POU2AF3: variants seen among roughly 807,000 people sequenced by gnomAD.
The protein encoded by POU2AF3 is cancer susceptibility candidate 13.
the POU2AF3 span, chr11:111,306,495 G>T: frequency 6.5e-7 from 1 of 1,535,150 alleles, no homozygotes. Context: ...AAGCTGCCTC[G>T]ACCAGATCTT....
the POU2AF3 span, chr11:111,299,084 G>C: frequency 9.8e-5 from 96 of 980,276 alleles, no homozygotes; most frequent in Non-Finnish European, 1.0e-4. Context: ...GAGAGGGCGC[G>C]GCGCCTGGGC....
the POU2AF3 span, chr11:111,305,083 T>G: frequency 9.4e-6 from 6 of 636,254 alleles, no homozygotes; most frequent in African/African-American, 1.9e-5. Flanking sequence ...GGCACCACCA[T>G]TTAATTGGAA....
chr11:111,308,674 C>G, the POU2AF3 span: 1 of 352,218 alleles, frequency 2.8e-6, no homozygotes, highest in Admixed American at 4.6e-5. Flanking sequence ...AATTGTTTTA[C>G]TTTTTGTATA....
the POU2AF3 span, chr11:111,304,773 A>G: frequency 2.5e-6 from 1 of 406,258 alleles, no homozygotes; most frequent in Non-Finnish European, 4.3e-6. Flanking sequence ...AATTTGTCAA[A>G]CATTGAAAAA....
the POU2AF3 span, among the ~76,000 whole-genome samples, chr11:111,306,197 T>G: frequency 2.0e-5 from 3 of 152,210 alleles, no homozygotes; most frequent in Non-Finnish European, 4.4e-5. Context: ...TTCCACATTA[T>G]TAACCATGTT....
At chr11:111,301,377 A>G in the POU2AF3 span, among the ~76,000 whole-genome samples, 5 of 152,222 alleles carry the variant, frequency 3.3e-5, no homozygotes, top group Non-Finnish European at 1.5e-5. Context: ...CCTCAATCAT[A>G]CAATTGCTTG....
the POU2AF3 span, chr11:111,306,537 G>A: frequency 6.4e-7 from 1 of 1,551,444 alleles, no homozygotes; most frequent in Non-Finnish European, 8.7e-7. Flanking sequence ...GATGCACCCG[G>A]AGCCTTTGCT....
the POU2AF3 span, chr11:111,299,857 G>C: frequency 1.6e-6 from 1 of 636,362 alleles, no homozygotes; most frequent in Non-Finnish European, 2.3e-6. Context: ...AGGGAGCGAG[G>C]GAGGGAGTTC....
At chr11:111,306,728 C>T in the POU2AF3 span, 1 of 838,134 alleles carries the variant, frequency 1.2e-6, no homozygotes, top group Middle Eastern at 2.4e-4. Context: ...AAACTATCAG[C>T]AAGGAAATCA....
chr11:111,306,306 A>G, the POU2AF3 span: 26 of 671,562 alleles, frequency 3.9e-5, no homozygotes, highest in South Asian at 7.4e-4. Context: ...CCCCCTAGAC[A>G]TAGTAAATAT....
At chr11:111,306,075 T>C in the POU2AF3 span, among the ~76,000 whole-genome samples, 246 of 152,322 alleles carry the variant, frequency 1.6e-3, 1 homozygote, top group Middle Eastern at 3.4e-3. Flanking sequence ...TGGATGTCCA[T>C]GGTTTTACAG....
the POU2AF3 span, chr11:111,300,018 G>A: frequency 2.5e-6 from 1 of 397,554 alleles, no homozygotes; most frequent in Admixed American, 4.4e-5. Context: ...ACCTGGCCAG[G>A]CGGAGAAGGA....
chr11:111,308,384 G>C, the POU2AF3 span: 1 of 1,551,508 alleles, frequency 6.4e-7, no homozygotes. Flanking sequence ...CTCAGCAGCC[G>C]CCACCAGTGA....
At chr11:111,298,828 C>CGGGGGCCG in the POU2AF3 span, 1 of 411,066 alleles carries the variant, frequency 2.4e-6, no homozygotes, top group Non-Finnish European at 4.1e-6. Context: ...TACCCCAGGC[C>CGGGGGCCG]CCCGCCCGCC....
the POU2AF3 span, chr11:111,300,613 G>A: frequency 4.1e-5 from 51 of 1,229,890 alleles, 1 homozygote; most frequent in South Asian, 1.3e-3. Flanking sequence ...GGCGGCCTCC[G>A]GGGGAACCGT....
chr11:111,303,108 T>C, the POU2AF3 span, among the ~76,000 whole-genome samples: 1 of 152,226 alleles, frequency 6.6e-6, no homozygotes, highest in Non-Finnish European at 1.5e-5. Context: ...ATGGAAGTTA[T>C]AGGTTGAGAC....
At chr11:111,298,879 G>A in the POU2AF3 span, 2 of 1,153,242 alleles carry the variant, frequency 1.7e-6, no homozygotes, top group Non-Finnish European at 2.1e-6. Flanking sequence ...CACGCGGTGC[G>A]GACCCTGCGC....
At chr11:111,299,644 C>CGAA in the POU2AF3 span, 1 of 1,229,580 alleles carries the variant, frequency 8.1e-7, no homozygotes, top group Non-Finnish European at 1.0e-6. Flanking sequence ...CCCCGGACGG[C>CGAA]TTTCCCCAGC....
At chr11:111,307,601 C>G in the POU2AF3 span, among the ~76,000 whole-genome samples, 1 of 152,208 alleles carries the variant, frequency 6.6e-6, no homozygotes, top group African/African-American at 2.4e-5. Context: ...CAGGTAGTGA[C>G]ACATCTTGGC....
Sources: gnomAD v4.1 joint callset for allele counts (sites outside exome capture counted in the v4.1 genomes callset) on GRCh38, gnomAD v4.1.1 for gene constraint, MANE v1.5 for transcripts, NCBI Gene and HGNC (gene_info 2026-07-23, HGNC 2026-07-21) for gene names.